The following LIMK2 variants were observed in gnomAD, a reference collection of about 807,000 sequenced individuals.
The protein encoded by LIMK2 is LIM domain kinase 2.
In LIMK2, 35 loss-of-function variants were observed where a neutral mutation model predicts 75.7. That is an observed-to-expected ratio of 0.46 (90% CI 0.35 to 0.61). The LOEUF (loss-of-function observed/expected upper bound fraction) is 0.61. LIMK2 is among the 20% of genes least tolerant of loss of function. The probability of loss-of-function intolerance (pLI) is 0.00; values close to 1 mark genes in which losing one functional copy is unlikely to be tolerated. For missense variants in LIMK2, 623 were observed against 831.0 expected, an observed-to-expected ratio of 0.75 and a Z score of 3.08; for synonymous variants, 301 against 319.2, an observed-to-expected ratio of 0.94 and a Z score of 0.61.
At chr22:31,276,948 C>T in intron 15 of LIMK2, 2 of 1,613,900 alleles carry the variant, frequency 1.2e-6, no homozygotes, top group Non-Finnish European at 1.7e-6. Context: ...GCCTCTACGA[C>T]TGCCAGGAAG....
chr22:31,249,289 G>A (rs1304499029), intron 2 of LIMK2, among the ~76,000 whole-genome samples: 2 of 152,190 alleles, frequency 1.3e-5, no homozygotes, highest in East Asian at 3.9e-4. Flanking sequence ...TTTGCCTCTG[G>A]CCTTGAAGGG....
chr22:31,223,524 G>T (rs1220413399), intron 1 of LIMK2, among the ~76,000 whole-genome samples: 1 of 152,178 alleles, frequency 6.6e-6, no homozygotes, highest in African/African-American at 2.4e-5. Context: ...GGGCATGGCA[G>T]CTCATAAACT....
intron 2 of LIMK2, among the ~76,000 whole-genome samples, chr22:31,255,885 A>G (rs570129483): frequency 2.0e-5 from 3 of 146,548 alleles, no homozygotes; most frequent in South Asian, 2.3e-4. Flanking sequence ...TTGTCCAGCT[A>G]GTGACAGTAA....
chr22:31,273,778 A>G (rs149572302), intron 14 of LIMK2, among the ~76,000 whole-genome samples: 156 of 152,042 alleles, frequency 1.0e-3, no homozygotes, highest in African/African-American at 3.5e-3. Context: ...GCTCACTGCA[A>G]CCTCTGCCTT....
At chr22:31,276,702 G>T (rs868727670) in intron 15 of LIMK2, 20 of 1,243,910 alleles carry the variant, frequency 1.6e-5, no homozygotes, top group Non-Finnish European at 2.0e-5. Context: ...GGCGGACAGC[G>T]GCACCGCGGG....
chr22:31,268,148 C>T lies in LIMK2; in HGVS notation c.1265C>T (p.Pro422Leu), dbSNP rs1177359333. 9 of 1,613,890 alleles carry T rather than the reference C, an allele frequency of 5.6e-6. No individual in the cohort carries two copies. In the East Asian group the frequency reaches 6.7e-5, roughly 12 times the overall value. Residue 422 changes from proline (P) to leucine (L), a missense_variant, in exon 11 of 16, where the codon CCG becomes CTG. This residue lies in a region of LIMK2 where 514 missense variants were observed against 661.3 expected (regional missense o/e 0.78). Transcript: ENST00000331728. ...TLKDFLRSMD[P>L]FPWQQKVRFA... is the part of the protein sequence containing the mutation. ...AAATCATTCCCCATTCTGCAGGATC[C>T]GTTCCCCTGGCAGCAGAAGGTCAGG...
intron 1 of LIMK2, among the ~76,000 whole-genome samples, chr22:31,214,886 C>G (rs1434414826): frequency 1.3e-5 from 2 of 152,146 alleles, no homozygotes; most frequent in East Asian, 1.9e-4. Context: ...CCCTCCACCT[C>G]CCAGGTTCAA....
At position 31,266,131 on chromosome 22, in the gene LIMK2, A is replaced by G; in HGVS notation, c.1040A>G (p.Lys347Arg). The G allele has an allele frequency of 2.5e-6, 4 of 1,614,052 alleles. 1 individual carries two copies. In the South Asian group the frequency reaches 4.4e-5, roughly 18 times the overall value. The change falls in exon 8 of 16, where the codon AAG (lysine) becomes AGG (arginine). Residue 347 changes from lysine to arginine, a missense_variant and splice_region_variant. Physicochemically the swap from Lys to Arg is conservative, Grantham distance 26. Coordinates refer to ENST00000331728, the MANE Select transcript of LIMK2 (RefSeq NM_005569.4). Reference protein sequence around the residue: ...LGKGFFGQAIKVTHKATGKVM... With the variant: ...LGKGFFGQAIRVTHKATGKVM... The stretch of plus-strand genomic sequence containing the variant: ...AAGGGCTTCTTTGGGCAGGCTATCA[A>G]GGTGAGCGCAGGCAACAATTGCTTT...
chr22:31,238,171 CAG>C (rs896380575), intron 2 of LIMK2, among the ~76,000 whole-genome samples: 9 of 143,456 alleles, frequency 6.3e-5, no homozygotes, highest in Admixed American at 2.8e-4. Context: ...AGCAATGAAA[CAG>C]AAAGTGAAAA....
intron 15 of LIMK2, chr22:31,276,878 A>T (rs1231655482): frequency 1.2e-6 from 2 of 1,612,430 alleles, no homozygotes; most frequent in Non-Finnish European, 1.7e-6. Flanking sequence ...ATCAAGTATG[A>T]CCCCAAGGAG....
intron 1 of LIMK2, among the ~76,000 whole-genome samples, chr22:31,217,384 G>A (rs1243285448): frequency 3.3e-5 from 5 of 150,930 alleles, no homozygotes; most frequent in Admixed American, 3.3e-4. Flanking sequence ...GTGACAGAGC[G>A]AGACTCCGTC....
At chr22:31,241,045 A>T (rs893157158) in intron 2 of LIMK2, among the ~76,000 whole-genome samples, 1 of 152,182 alleles carries the variant, frequency 6.6e-6, no homozygotes, top group African/African-American at 2.4e-5. Flanking sequence ...AAAGAAAAGC[A>T]TTGGTTTTCA....
chr22:31,215,077 G>A (rs536035862), intron 1 of LIMK2, among the ~76,000 whole-genome samples: 1 of 152,284 alleles, frequency 6.6e-6, no homozygotes, highest in African/African-American at 2.4e-5. Context: ...GATTATAGGC[G>A]TGAGCCACCA....
At chr22:31,256,514 G>C (rs561250817) in intron 2 of LIMK2, among the ~76,000 whole-genome samples, 16 of 150,560 alleles carry the variant, frequency 1.1e-4, no homozygotes, top group African/African-American at 3.4e-4. Context: ...CTAATTTTTT[G>C]TATTTTTAGT....
intron 2 of LIMK2, among the ~76,000 whole-genome samples, chr22:31,240,469 G>C (rs1601414258): frequency 1.3e-5 from 2 of 151,120 alleles, no homozygotes; most frequent in Admixed American, 6.6e-5. Context: ...GTGTCGCCAG[G>C]CTGGAGTGCA....
In LIMK2 at chr22:31,258,396, G is replaced by A; in HGVS notation, c.222G>A (p.Gly74=). ...YWGKFGEFCH[G]CSLLMTGPFM... The stretch of plus-strand genomic sequence containing the variant: ...GGAAGTTTGGGGAGTTCTGTCATGG[G>A]TGCTCCCTGCTGATGACAGGGCCTT... Residue 74 remains glycine, a synonymous_variant, in exon 3 of 16, where the codon GGG becomes GGA. Coordinates refer to ENST00000331728, the MANE Select transcript of LIMK2 (RefSeq NM_005569.4). The A allele has an allele frequency of 6.2e-7, 1 of 1,614,092 alleles. No individual in the cohort carries two copies. Among genetic ancestry groups the A allele is most frequent in the South Asian group, 1.1e-5 (1 of 91,076 alleles).
At chr22:31,249,787 G>A (rs957840939) in intron 2 of LIMK2, among the ~76,000 whole-genome samples, 5 of 152,164 alleles carry the variant, frequency 3.3e-5, no homozygotes, top group African/African-American at 1.2e-4. Flanking sequence ...ATGTGGTTTT[G>A]TGGAATGACC....
chr22:31,215,182 A>G (rs1164245323), intron 1 of LIMK2, among the ~76,000 whole-genome samples: 1 of 152,172 alleles, frequency 6.6e-6, no homozygotes, highest in African/African-American at 2.4e-5. Context: ...CAGAGTTCAT[A>G]TTTTCCAACT....
chr22:31,217,571 A>C (rs1325510076), intron 1 of LIMK2, among the ~76,000 whole-genome samples: 3 of 152,240 alleles, frequency 2.0e-5, no homozygotes, highest in Admixed American at 2.0e-4. Flanking sequence ...ATACTTGCGT[A>C]GTGCTTAGGA....
Sources: allele counts gnomAD v4.1 joint callset (sites outside exome capture counted in the v4.1 genomes callset), GRCh38; gene constraint gnomAD v4.1.1; regional missense constraint gnomAD v4.1.1; transcripts MANE v1.5; gene names NCBI Gene and HGNC (gene_info 2026-07-23, HGNC 2026-07-21).